Variants in CCL3L3 observed in about 807,000 individuals in gnomAD.
CCL3L3 encodes C-C motif chemokine 3-like 1.
In CCL3L3, 6 loss-of-function variants were observed where a neutral mutation model predicts 9.0. The ratio of observed to expected loss-of-function variants is 0.67; its 90% CI spans 0.37 to 1.32. The LOEUF (loss-of-function observed/expected upper bound fraction) is 1.32. Among genes scored for constraint, CCL3L3 ranks in the 40% most tolerant of loss-of-function variants. The pLI is 0.02. For missense variants in CCL3L3, 93 were observed against 117.0 expected, an observed-to-expected ratio of 0.79 and a Z score of 0.95; for synonymous variants, 38 against 45.7, an observed-to-expected ratio of 0.83 and a Z score of 0.68.
At chr17:36,196,119 A>C (rs1293591152) in intron 1 of CCL3L3, 17 of 670,018 alleles carry the variant, frequency 2.5e-5, no homozygotes, top group Non-Finnish European at 4.2e-5. Context: ...CTGTTTCTCT[A>C]TGTGATCCAG....
chr17:36,196,600 G>A lies in CCL3L3; in HGVS notation c.74C>T (p.Pro25Leu). Residue 25 changes from proline (P) to leucine (L), a missense_variant and splice_region_variant, in exon 1 of 3, where the codon CCA (proline) becomes CTA (leucine). By Grantham distance (98) the Pro-to-Leu change is moderately conservative (BLOSUM62 -3). Coordinates refer to ENST00000619989, the MANE Select transcript of CCL3L3 (RefSeq NM_001001437.4). The stretch of plus-strand genomic sequence containing the variant: ...CCACAACAACAACATGGACTCACGT[G>A]GTGCAGAGAGGACCTGGTTGCAGAG... Reference protein sequence around the residue: ...MALCNQVLSAPLAADTPTACC... With the variant: ...MALCNQVLSALLAADTPTACC... 6.3e-7 allele frequency: 1 copy of A among 1,581,220 alleles called. No individual in the cohort carries two copies. The highest frequency in any genetic ancestry group is 1.1e-5 in the South Asian group (1 of 89,140).
In CCL3L3 at chr17:36,195,929, G is replaced by A. The variant is rs1346243304; in HGVS notation, c.77-17C>T. The stretch of plus-strand genomic sequence containing the variant: ...CAGCAGCAACTGCGGAGAAAGGAGA[G>A]AATAAGCCCGAGTCACAGCTCAGAA... On this transcript the variant is annotated splice_polypyrimidine_tract_variant and intron_variant, in intron 1 of 2. Coordinates refer to ENST00000619989, the MANE Select transcript of CCL3L3 (RefSeq NM_001001437.4). 28 of 1,580,598 alleles carry A rather than the reference G, an allele frequency of 1.8e-5. 1 individual carries two copies. The Admixed American group carries it at 2.0e-4, about 11-fold the overall frequency.
Position 36,195,637 on chromosome 17 carries a change from C to G in CCL3L3, c.191+161G>C, listed in dbSNP as rs763870392. On this transcript the variant is annotated intron_variant, in intron 2 of 2. Transcript: ENST00000619989. ...CTTCCTGACTCTGTAACACCCACCT[C>G]ACTCCAGCCCCAAGTCAGGTCACAC... is the stretch of plus-strand genomic sequence containing the variant. 3.6e-5 allele frequency: 40 copies of G among 1,119,672 alleles called. 2 individuals carry two copies. The highest frequency in any genetic ancestry group is 5.3e-5 in the Non-Finnish European group (39 of 738,492). The allele number at this position is 1,119,672 out of a possible 1,614,324, so 69.4% of individuals were successfully genotyped here.
At chr17:36,196,390 G>A in intron 1 of CCL3L3, 1 of 745,008 alleles carries the variant, frequency 1.3e-6, no homozygotes. Flanking sequence ...CCCTGCCCCT[G>A]CCTAGATTCT....
rs1467151755 is a variant in CCL3L3 at position 36,196,616 on chromosome 17, G to T, written c.58C>A (p.Gln20Lys). 1.1e-5 allele frequency: 18 copies of T among 1,581,130 alleles called. No homozygotes were observed. The highest frequency in any genetic ancestry group is 3.4e-5 in the Admixed American group (2 of 59,100). Residue 20 changes from glutamine (Q) to lysine (K), a missense_variant, in exon 1 of 3, where the codon CAG becomes AAG. Coordinates refer to ENST00000619989, the MANE Select transcript of CCL3L3 (RefSeq NM_001001437.4). The stretch of plus-strand genomic sequence containing the variant: ...GACTCACGTGGTGCAGAGAGGACCT[G>T]GTTGCAGAGAGCCATGGTGCAGAGG... The part of the protein sequence containing the change: ...VLLCTMALCN[Q>K]VLSAPLAADT...
intron 2 of CCL3L3, 79 bp from the exon 3 acceptor site, chr17:36,195,455 GCT>G: frequency 6.6e-7 from 1 of 1,518,164 alleles, no homozygotes; most frequent in Admixed American, 1.7e-5. Context: ...CTGACATCCT[GCT>G]CTCTGTCCTG....
intron 1 of CCL3L3, 41 bp downstream of exon 1, chr17:36,196,557 G>T: frequency 6.4e-7 from 1 of 1,564,100 alleles, no homozygotes; most frequent in Non-Finnish European, 8.8e-7. Flanking sequence ...TCTAACCATG[G>T]CCAGAGAGTG....
chr17:36,196,115 C>G (rs1213537875), intron 1 of CCL3L3: 2 of 675,176 alleles, frequency 3.0e-6, no homozygotes, highest in Non-Finnish European at 5.2e-6. Flanking sequence ...TTCTCTGTTT[C>G]TCTATGTGAT....
chr17:36,195,942 T>G, intron 1 of CCL3L3, 30 bp from the exon 2 acceptor site: 1 of 1,577,134 alleles, frequency 6.3e-7, no homozygotes, highest in Non-Finnish European at 8.7e-7. Flanking sequence ...TAAGCCCGAG[T>G]CACAGCTCAG....
chr17:36,195,313 G>GT lies in CCL3L3; in HGVS notation c.254dup (p.Tyr85Ter). 1.9e-6 allele frequency: 3 copies of GT among 1,582,430 alleles called. No individual in the cohort carries two copies. Among genetic ancestry groups the GT allele is most frequent in the South Asian group, 1.1e-5 (1 of 89,152 alleles). The stretch of plus-strand genomic sequence containing the variant: ...AGGCACTCAGCTCCAGGTCACTGAC[G>GT]TATTTCTGGACCCACTCCTCACTGG... Reference protein sequence around the residue: ...ADPSEEWVQKYVSDLELSA With the variant: ...ADPSEEWVQK Residue 85 changes from tyrosine (Y) to a stop codon, truncating the protein, a stop_gained and frameshift_variant, in exon 3 of 3, where the codon TAC becomes TAAC. Coordinates refer to ENST00000619989, the MANE Select transcript of CCL3L3 (RefSeq NM_001001437.4). LOFTEE classifies it high-confidence loss of function.
Position 36,195,349 on chromosome 17 carries a change from G to T in CCL3L3, c.219C>A (p.Val73=). ...CCCACTCCTCACTGGGGTCAGCACAGACCTGCCGGCCTCTCTTGGTTAGGA... is the reference window on the plus strand; with the variant it reads ...CCCACTCCTCACTGGGGTCAGCACATACCTGCCGGCCTCTCTTGGTTAGGA... ...VIFLTKRGRQ[V]CADPSEEWVQ... Residue 73 remains valine (V), a synonymous_variant, in exon 3 of 3, where the codon GTC becomes GTA. Coordinates refer to ENST00000619989, the MANE Select transcript of CCL3L3 (RefSeq NM_001001437.4). The T allele has an allele frequency of 6.3e-7, 1 of 1,582,830 alleles. No homozygotes were observed. Among genetic ancestry groups the T allele is most frequent in the Non-Finnish European group, 8.6e-7 (1 of 1,157,752 alleles).
intron 2 of CCL3L3, chr17:36,195,587 C>G: frequency 1.0e-6 from 1 of 999,688 alleles, no homozygotes; most frequent in Non-Finnish European, 1.6e-6. Flanking sequence ...TTCTTCCTGT[C>G]CCTTTCCTCT....
At position 36,195,306 on chromosome 17, in the gene CCL3L3, C is replaced by T. The variant is rs1302440203; in HGVS notation, c.262G>A (p.Asp88Asn). The change falls in exon 3 of 3, where the codon GAC becomes AAC. Residue 88 changes from aspartate (D) to asparagine (N), a missense_variant. Physicochemically the swap from Asp to Asn is conservative, Grantham distance 23 (BLOSUM62 1). Coordinates refer to ENST00000619989, the MANE Select transcript of CCL3L3 (RefSeq NM_001001437.4). The stretch of plus-strand genomic sequence containing the variant: ...ACCCCTCAGGCACTCAGCTCCAGGT[C>T]ACTGACGTATTTCTGGACCCACTCC... ...SEEWVQKYVSDLELSA is the reference protein window; with the variant it reads ...SEEWVQKYVSNLELSA 2 of 1,582,378 alleles carry T rather than the reference C, an allele frequency of 1.3e-6. No homozygotes were observed. The highest frequency in any genetic ancestry group is 1.1e-5 in the South Asian group (1 of 89,162).
chr17:36,195,819 T>A lies in CCL3L3; in HGVS notation c.170A>T (p.Gln57Leu). 1 of 1,583,124 alleles carries A rather than the reference T, an allele frequency of 6.3e-7. No homozygotes were observed. The highest frequency in any genetic ancestry group is 1.1e-5 in the South Asian group (1 of 89,222). ...TTACATGACACTGGGCTTGGAGCAC[T>A]GGCTGCTCGTCTCAAAGTAGTCAGC... is the stretch of plus-strand genomic sequence containing the variant. ...FIADYFETSS[Q>L]CSKPSVIFLT... The change falls in exon 2 of 3, where the codon CAG becomes CTG. Residue 57 changes from glutamine to leucine, a missense_variant. Transcript: ENST00000619989.
rs2068624218 is a variant in CCL3L3 at position 36,196,638 on chromosome 17, G to A, written c.36C>T (p.Leu12=). 2 of 1,581,084 alleles carry A rather than the reference G, an allele frequency of 1.3e-6. No homozygotes were observed. Among genetic ancestry groups the A allele is most frequent in the African/African-American group, 2.7e-5 (2 of 74,732 alleles). ...CCTGGTTGCAGAGAGCCATGGTGCAGAGGAGGACGGCAAGGGCAGCAGTGG... is the reference window on the plus strand; with the variant it reads ...CCTGGTTGCAGAGAGCCATGGTGCAAAGGAGGACGGCAAGGGCAGCAGTGG... ...QVSTAALAVL[L]CTMALCNQVL... Residue 12 remains leucine (L), a synonymous_variant, in exon 1 of 3, where the codon CTC becomes CTT. Transcript: ENST00000619989.
chr17:36,196,734 T>C lies in CCL3L3; in HGVS notation c.-61A>G. 2 of 1,517,122 alleles carry C rather than the reference T, an allele frequency of 1.3e-6. No individual in the cohort carries two copies. Among genetic ancestry groups the C allele is most frequent in the Non-Finnish European group, 1.8e-6 (2 of 1,100,768 alleles). 94.0% of individuals were successfully genotyped at this position (1,517,122 alleles called of 1,614,324 possible). On this transcript the variant is annotated 5_prime_UTR_variant, in exon 1 of 3. Coordinates refer to ENST00000619989, the MANE Select transcript of CCL3L3 (RefSeq NM_001001437.4). ...TCAGCAGAGCCAAGAAGGGACTGACTACTCTTTGCTGCCTGCGTCCTTCTG... is the reference window on the plus strand; with the variant it reads ...TCAGCAGAGCCAAGAAGGGACTGACCACTCTTTGCTGCCTGCGTCCTTCTG...
chr17:36,196,141 G>A (rs1398682590), intron 1 of CCL3L3: 3 of 643,154 alleles, frequency 4.7e-6, no homozygotes, highest in Admixed American at 2.4e-5. Flanking sequence ...TACCTGAATG[G>A]ACTGTTCTCT....
In CCL3L3 at chr17:36,196,499, C is replaced by T. The variant is rs1364039045; in HGVS notation, c.76+99G>A. 67 of 1,395,664 alleles carry T rather than the reference C, an allele frequency of 4.8e-5. 2 individuals are homozygous for T. The African/African-American group carries it at 7.7e-4, about 16-fold the overall frequency. 86.5% of individuals were successfully genotyped at this position (1,395,664 alleles called of 1,614,324 possible). A position where few individuals can be genotyped will look rare whatever the true frequency, so the allele number is the denominator to read the frequency against. Reference sequence around the variant, plus strand: ...TGTTTGGCAGCGCTTTAAGAACTTCCTTCTTTTCTCTTCGGGGCTCTCAGG... The same window carrying T: ...TGTTTGGCAGCGCTTTAAGAACTTCTTTCTTTTCTCTTCGGGGCTCTCAGG... On this transcript the variant is annotated intron_variant, in intron 1 of 2. Coordinates refer to ENST00000619989, the MANE Select transcript of CCL3L3 (RefSeq NM_001001437.4).
In CCL3L3 at chr17:36,196,031, T is replaced by C. The variant is rs1340628165; in HGVS notation, c.77-119A>G. Reference sequence around the variant, plus strand: ...CTCAGACCAAGTGACTGCAAGGCATTTGGGGGGTTTTGCAGAGAAATGTCT... The same window carrying C: ...CTCAGACCAAGTGACTGCAAGGCATCTGGGGGGTTTTGCAGAGAAATGTCT... On this transcript the variant is annotated intron_variant, in intron 1 of 2. Transcript: ENST00000619989. 1,878 of 1,107,492 alleles carry C rather than the reference T, an allele frequency of 1.7e-3. 127 individuals are homozygous for C. The highest frequency in any genetic ancestry group is 2.2e-3 in the Non-Finnish European group (1,675 of 757,070). The allele number at this position is 1,107,492 out of a possible 1,614,324, so 68.6% of individuals were successfully genotyped here.
Sources: allele counts gnomAD v4.1 joint callset, GRCh38; gene constraint gnomAD v4.1.1; transcripts MANE v1.5; gene names NCBI Gene and HGNC (gene_info 2026-07-23, HGNC 2026-07-21).